EIF2AK3: variants seen among roughly 807,000 people sequenced by gnomAD.
The protein encoded by EIF2AK3 is eukaryotic translation initiation factor 2-alpha kinase 3.
In EIF2AK3, 50 loss-of-function variants were observed where a neutral mutation model predicts 113.5. The observed-to-expected ratio is 0.44, with a 90% CI of 0.35 to 0.56. The LOEUF (loss-of-function observed/expected upper bound fraction) is 0.56. Ranked by LOEUF, EIF2AK3 falls within the 20% of genes least tolerant of loss-of-function variation. The pLI is 0.00. For missense variants in EIF2AK3, 1,185 were observed against 1,378.0 expected (o/e 0.86, Z 2.22); for synonymous variants, 448 against 495.4 (o/e 0.90, Z 1.27).
intron 8 of EIF2AK3, among the ~76,000 whole-genome samples, chr2:88,587,204 C>CAAAAAAA (rs780050125): frequency 1.4e-3 from 43 of 30,180 alleles, no homozygotes; most frequent in Admixed American, 2.6e-3. Context: ...AACTCCATCT[C>CAAAAAAA]AAAAAAAAAA....
chr2:88,617,752 T>C (rs1234551460), intron 1 of EIF2AK3, among the ~76,000 whole-genome samples: 1 of 75,138 alleles, frequency 1.3e-5, no homozygotes, highest in Non-Finnish European at 2.5e-5. Flanking sequence ...CGAGACTCCA[T>C]CTCAAAAAAA....
intron 10 of EIF2AK3, among the ~76,000 whole-genome samples, chr2:88,580,998 C>T (rs966254892): frequency 6.6e-6 from 1 of 152,088 alleles, no homozygotes; most frequent in Non-Finnish European, 1.5e-5. Context: ...AAGGAAAACA[C>T]CTATATAAAA....
intron 8 of EIF2AK3, among the ~76,000 whole-genome samples, chr2:88,587,452 T>C (rs1051191677): frequency 6.6e-6 from 1 of 152,154 alleles, no homozygotes; most frequent in Non-Finnish European, 1.5e-5. Context: ...AGAAAATGTA[T>C]TTCATGCCAA....
At chr2:88,586,574 C>T (rs1674736919) in intron 8 of EIF2AK3, among the ~76,000 whole-genome samples, 2 of 149,610 alleles carry the variant, frequency 1.3e-5, no homozygotes, top group African/African-American at 4.9e-5. Flanking sequence ...GGTCAGACTA[C>T]ACAGTTCTCT....
intron 3 of EIF2AK3, chr2:88,593,952 G>A (rs2104443388): frequency 7.1e-6 from 7 of 990,688 alleles, no homozygotes; most frequent in Non-Finnish European, 8.4e-6. Flanking sequence ...ACATCAAATC[G>A]GAAAACCAGG....
intron 11 of EIF2AK3, among the ~76,000 whole-genome samples, chr2:88,578,663 C>T (rs930007053): frequency 3.4e-5 from 5 of 146,764 alleles, no homozygotes; most frequent in South Asian, 2.2e-4. Context: ...GCCTGGGTGA[C>T]GGTGCAAGAC....
intron 1 of EIF2AK3, among the ~76,000 whole-genome samples, chr2:88,621,378 C>T (rs1675717349): frequency 1.3e-5 from 2 of 152,042 alleles, no homozygotes; most frequent in African/African-American, 4.8e-5. Context: ...TGGAAGTTTC[C>T]GATGTGAAAG....
At chr2:88,586,284 TTAAGTAA>T (rs1342363293) in intron 8 of EIF2AK3, among the ~76,000 whole-genome samples, 4 of 152,240 alleles carry the variant, frequency 2.6e-5, no homozygotes, top group African/African-American at 9.6e-5. Flanking sequence ...TTTCTTTATA[TTAAGTAA>T]TAAGACTAGA....
chr2:88,595,250 A>T (rs1291366247), intron 3 of EIF2AK3, among the ~76,000 whole-genome samples: 1 of 150,044 alleles, frequency 6.7e-6, no homozygotes, highest in African/African-American at 2.4e-5. Context: ...ACAGTAGACC[A>T]TATTTATGAA....
At position 88,595,533 on chromosome 2, in the gene EIF2AK3, T is replaced by C; in HGVS notation, c.569A>G (p.Asp190Gly). 6.2e-7 allele frequency: 1 copy of C among 1,613,974 alleles called. No individual in the cohort carries two copies. Among genetic ancestry groups the C allele is most frequent in the Non-Finnish European group, 8.5e-7 (1 of 1,179,966 alleles). ...TTTTCCTCCAACCAAAACAACATCATCTCCAAATTTATAAGAAGATTCAAG... is the reference window on the plus strand; with the variant it reads ...TTTTCCTCCAACCAAAACAACATCACCTCCAAATTTATAAGAAGATTCAAG... ...SLLESSYKFG[D>G]DVVLVGGKSL... Residue 190 changes from aspartate to glycine, a missense_variant, in exon 3 of 17, where the codon GAT becomes GGT. Asp to Gly is a moderately conservative substitution (Grantham distance 94). Coordinates refer to ENST00000303236, the MANE Select transcript of EIF2AK3 (RefSeq NM_004836.7).
At chr2:88,563,508 T>C (rs1347903423) in intron 14 of EIF2AK3, among the ~76,000 whole-genome samples, 1 of 152,206 alleles carries the variant, frequency 6.6e-6, no homozygotes, top group Non-Finnish European at 1.5e-5. Flanking sequence ...CCTCACACAC[T>C]ATTTGGAGAA....
At chr2:88,583,631 A>G (rs1387025851) in intron 9 of EIF2AK3, 89 bp from the exon 10 acceptor site, 4 of 897,194 alleles carry the variant, frequency 4.5e-6, no homozygotes. Context: ...ACAACACTGA[A>G]AAATACATAA....
At chr2:88,614,099 C>A (rs1675518164) in intron 1 of EIF2AK3, among the ~76,000 whole-genome samples, 1 of 152,124 alleles carries the variant, frequency 6.6e-6, no homozygotes, top group African/African-American at 2.4e-5. Context: ...ACTCTAATTC[C>A]CATAAGGAAC....
In EIF2AK3 at chr2:88,588,763, A is replaced by G; in HGVS notation, c.1304T>C (p.Ile435Thr). ...PLPTIKWKPL[I>T]HSPSRTPVLV... The stretch of plus-strand genomic sequence containing the variant: ...AGAAAAGTTTACAATTCACTTACGA[A>G]TTAAGGGTTTCCATTTGATTGTTGG... Residue 435 changes from isoleucine to threonine, a missense_variant and splice_region_variant, in exon 7 of 17, where the codon ATT becomes ACT. Coordinates refer to ENST00000303236, the MANE Select transcript of EIF2AK3 (RefSeq NM_004836.7). 4.3e-6 allele frequency: 7 copies of G among 1,613,698 alleles called. No homozygotes were observed. The highest frequency in any genetic ancestry group is 5.9e-6 in the Non-Finnish European group (7 of 1,179,784).
intron 7 of EIF2AK3, 26 bp downstream of exon 7, chr2:88,588,734 AT>A (rs1558654136): frequency 6.2e-7 from 1 of 1,612,802 alleles, no homozygotes; most frequent in Admixed American, 1.7e-5. Flanking sequence ...CACTAACAGT[AT>A]TTAGAAAAGT....
At chr2:88,576,827 TAAAG>T (rs1420946237) in intron 11 of EIF2AK3, 124 bp from the exon 12 acceptor site, 6 of 1,068,018 alleles carry the variant, frequency 5.6e-6, no homozygotes, top group East Asian at 2.6e-5. Context: ...AAAGGAAAAT[TAAAG>T]AAATAAAATT....
rs759934166 is a variant in EIF2AK3, at chr2:88,626,927, G to A, written c.308+40C>T. The A allele has an allele frequency of 8.7e-6, 14 of 1,602,490 alleles. No homozygotes were observed. In the African/African-American group the frequency reaches 1.8e-4, roughly 20 times the overall value. On this transcript the variant is annotated intron_variant, in intron 1 of 16. Transcript: ENST00000303236. ...ACACCGCATCCTCCGCGGCTCGCGC[G>A]CGTAAACAAGTTGCCTCCCCCGGGT...
intron 15 of EIF2AK3, among the ~76,000 whole-genome samples, chr2:88,561,932 C>T (rs1222792443): frequency 2.0e-5 from 3 of 152,170 alleles, no homozygotes; most frequent in Non-Finnish European, 4.4e-5. Context: ...AGGAAAGAAA[C>T]CTAATTATGC....
chr2:88,586,795 T>C (rs1573402425), intron 8 of EIF2AK3, among the ~76,000 whole-genome samples: 2 of 151,420 alleles, frequency 1.3e-5, no homozygotes, highest in South Asian at 4.2e-4. Context: ...TTTCACCATG[T>C]TGGCCAGGCT....
Sources: gnomAD v4.1 joint callset for allele counts (sites outside exome capture counted in the v4.1 genomes callset) on GRCh38, gnomAD v4.1.1 for gene constraint, MANE v1.5 for transcripts, NCBI Gene and HGNC (gene_info 2026-07-23, HGNC 2026-07-21) for gene names.